BBIP1: variants seen among roughly 807,000 people sequenced by gnomAD.
BBIP1 encodes the protein BBSome-interacting protein 1.
BBIP1 carries 6 observed loss-of-function variants against 8.9 expected under a neutral mutation model. That is an observed-to-expected ratio of 0.67 (90% CI 0.37 to 1.33). The LOEUF is 1.33. Among genes scored for constraint, BBIP1 ranks in the 40% most tolerant of loss-of-function variants. The pLI, the probability that BBIP1 is intolerant of heterozygous loss-of-function variation, is 0.02. For synonymous variants in BBIP1, 32 were observed against 33.4 expected (o/e 0.96, Z 0.14); for missense variants, 111 against 109.2 (o/e 1.02, Z -0.07).
chr10:110,907,488 A>G, intron 2 of BBIP1: 2 of 434,096 alleles, frequency 4.6e-6, no homozygotes, highest in Non-Finnish European at 8.1e-6. Flanking sequence ...ATTCTAGCTT[A>G]GGTGACAGAG....
At chr10:110,909,898 C>G (rs1485671486) in intron 2 of BBIP1, among the ~76,000 whole-genome samples, 1 of 152,060 alleles carries the variant, frequency 6.6e-6, no homozygotes, top group African/African-American at 2.4e-5. Flanking sequence ...TTTCTTTCAA[C>G]AAACATACTA....
At chr10:110,919,008 A>G (rs1305792110) in intron 1 of BBIP1, 113 bp downstream of exon 1, 2 of 152,304 alleles carry the variant, frequency 1.3e-5, no homozygotes, top group Admixed American at 1.3e-4. Flanking sequence ...GTAAGTGACC[A>G]GACGTCTCAG....
In BBIP1 at chr10:110,901,597, GAT is replaced by G. The variant is rs750348652; in HGVS notation, c.51_52del (p.Ser18GlnfsTer34). The stretch of plus-strand genomic sequence containing the variant: ...CACTTCTGCCATATCTGAGTTGTTG[GAT>G]ATAGTGTTTTTTCCTTCAATGAGAA... On this transcript the variant is annotated frameshift_variant, in exon 3 of 4. Coordinates refer to ENST00000448814, the MANE Select transcript of BBIP1 (RefSeq NM_001195305.3). LOFTEE classifies it high-confidence loss of function. 2.6e-6 allele frequency: 4 copies of G among 1,535,028 alleles called. No individual in the cohort carries two copies. Among genetic ancestry groups the G allele is most frequent in the Non-Finnish European group, 2.6e-6 (3 of 1,146,112 alleles).
At position 110,900,073 on chromosome 10, in the gene BBIP1, A is replaced by AAAAG. The variant is rs1436982560; in HGVS notation, c.*283_*286dup. ...AAAAGATCCCAAGAATGTTATCTAT[A>AAAAG]AAAGATAGCAATAGGAATGGTGAAC... On this transcript the variant is annotated 3_prime_UTR_variant, in exon 4 of 4. Coordinates refer to ENST00000448814, the MANE Select transcript of BBIP1 (RefSeq NM_001195305.3). 1 of 274,710 alleles carries AAAAG rather than the reference A, an allele frequency of 3.6e-6. No homozygotes were observed. The highest frequency in any genetic ancestry group is 2.2e-5 in the African/African-American group (1 of 45,382). The allele number at this position is 274,710 out of a possible 1,614,324, so 17.0% of individuals were successfully genotyped here.
At chr10:110,917,443 A>C (rs1846437454) in intron 2 of BBIP1, among the ~76,000 whole-genome samples, 1 of 151,980 alleles carries the variant, frequency 6.6e-6, no homozygotes, top group Non-Finnish European at 1.5e-5. Context: ...GGGAGGAATG[A>C]AAAAAAATGG....
intron 3 of BBIP1, 191 bp downstream of exon 3, chr10:110,901,347 T>C: frequency 1.7e-6 from 1 of 576,808 alleles, no homozygotes. Context: ...ATTTTAGGTA[T>C]AAGAAACAAT....
At chr10:110,918,377 G>C (rs970772040) in intron 1 of BBIP1, among the ~76,000 whole-genome samples, 164 bp from the exon 2 acceptor site, 1 of 152,216 alleles carries the variant, frequency 6.6e-6, no homozygotes, top group Non-Finnish European at 1.5e-5. Flanking sequence ...CGCGGAAAGG[G>C]GGGAAAAATC....
At chr10:110,907,715 G>A in intron 2 of BBIP1, 1 of 699,838 alleles carries the variant, frequency 1.4e-6, no homozygotes, top group South Asian at 1.5e-5. Flanking sequence ...TTGTCTTCAG[G>A]CATCTTGAAG....
intron 2 of BBIP1, among the ~76,000 whole-genome samples, chr10:110,913,415 T>C (rs943516167): frequency 6.6e-6 from 1 of 152,238 alleles, no homozygotes; most frequent in East Asian, 1.9e-4. Context: ...ATAAATATCA[T>C]GGTACCTATA....
At chr10:110,901,036 A>T (rs1845985409) in intron 3 of BBIP1, 1 of 397,808 alleles carries the variant, frequency 2.5e-6, no homozygotes, top group African/African-American at 2.1e-5. Context: ...CTGTTATCCC[A>T]GCACTTTGGG....
intron 2 of BBIP1, among the ~76,000 whole-genome samples, chr10:110,905,331 G>A (rs1420909602): frequency 6.6e-6 from 1 of 151,946 alleles, no homozygotes; most frequent in Non-Finnish European, 1.5e-5. Context: ...TGGGAGGCCA[G>A]GCGGACGGAT....
At chr10:110,901,840 G>T in intron 2 of BBIP1, 1 of 473,118 alleles carries the variant, frequency 2.1e-6, no homozygotes, top group Non-Finnish European at 3.8e-6. Flanking sequence ...AAGGCTAGGT[G>T]TTGTAATTTT....
At chr10:110,901,713 A>G (rs1846008784) in intron 2 of BBIP1, 101 bp from the exon 3 acceptor site, 2 of 836,910 alleles carry the variant, frequency 2.4e-6, no homozygotes, top group East Asian at 2.7e-5. Context: ...ATTCCTATAG[A>G]AAGTGAACTA....
At chr10:110,909,072 G>C (rs1846210259) in intron 2 of BBIP1, among the ~76,000 whole-genome samples, 1 of 152,074 alleles carries the variant, frequency 6.6e-6, no homozygotes. Flanking sequence ...GTGATGGGGT[G>C]GTGATTAACT....
At chr10:110,913,428 A>C (rs1846324033) in intron 2 of BBIP1, among the ~76,000 whole-genome samples, 1 of 152,228 alleles carries the variant, frequency 6.6e-6, no homozygotes, top group South Asian at 2.1e-4. Context: ...TACCTATAAG[A>C]CAGCATGATC....
chr10:110,909,261 G>A (rs892207677), intron 2 of BBIP1, among the ~76,000 whole-genome samples: 4 of 151,734 alleles, frequency 2.6e-5, no homozygotes, highest in Non-Finnish European at 5.9e-5. Flanking sequence ...GCAGTGGCGC[G>A]ATCTCGGCTC....
In BBIP1 at chr10:110,900,186, A is replaced by G. The variant is rs938313036; in HGVS notation, c.*174T>C. On this transcript the variant is annotated 3_prime_UTR_variant, in exon 4 of 4. Transcript: ENST00000448814. ...TAACTGTTTATGTTCAATACAAACC[A>G]GAGTGTTTACATTCACAATACAAAT... is the stretch of plus-strand genomic sequence containing the variant. 3 of 649,308 alleles carry G rather than the reference A, an allele frequency of 4.6e-6. No homozygotes were observed. The highest frequency in any genetic ancestry group is 3.7e-5 in the African/African-American group (2 of 53,498). 40.2% of individuals were successfully genotyped at this position (649,308 alleles called of 1,614,324 possible).
Position 110,900,302 on chromosome 10 carries a change from C to CTAGT in BBIP1, c.*54_*57dup, listed in dbSNP as rs1845957710. On this transcript the variant is annotated 3_prime_UTR_variant, in exon 4 of 4. Transcript: ENST00000448814. ...CTTTCAGCACACAGAAGCATATTTTCTAGTTATTGTTAAATAGTAGATAAG... is the reference window on the plus strand; with the variant it reads ...CTTTCAGCACACAGAAGCATATTTTCTAGTTAGTTATTGTTAAATAGTAGATAAG... 2.1e-6 allele frequency: 3 copies of CTAGT among 1,421,810 alleles called. No homozygotes were observed. The highest frequency in any genetic ancestry group is 1.4e-5 in the South Asian group (1 of 73,152). The allele number at this position is 1,421,810 out of a possible 1,614,324, so 88.1% of individuals were successfully genotyped here.
chr10:110,904,969 C>T (rs914720426), intron 2 of BBIP1: 1 of 152,066 alleles, frequency 6.6e-6, no homozygotes, highest in African/African-American at 2.4e-5. Context: ...TTTTGAAGGC[C>T]TTGGTTTAGG....
Sources: allele counts gnomAD v4.1 joint callset (sites outside exome capture counted in the v4.1 genomes callset), GRCh38; gene constraint gnomAD v4.1.1; transcripts MANE v1.5; gene names NCBI Gene and HGNC (gene_info 2026-07-23, HGNC 2026-07-21).